Variants in ATP2C1 observed in about 807,000 individuals in gnomAD.
ATP2C1 encodes calcium-transporting ATPase type 2C member 1.
Under a neutral mutation model 120.5 loss-of-function variants are expected in ATP2C1, and 31 were observed. That is an observed-to-expected ratio of 0.26 (90% CI 0.19 to 0.35). The LOEUF (loss-of-function observed/expected upper bound fraction) is 0.35, where lower values mean the gene tolerates loss of function less well. Ranked by LOEUF, ATP2C1 falls within the 10% of genes least tolerant of loss-of-function variation. The pLI is 1.00. For synonymous variants in ATP2C1, 351 were observed against 358.7 expected, an observed-to-expected ratio of 0.98 and a Z score of 0.24; for missense variants, 731 against 1,107.5, an observed-to-expected ratio of 0.66 and a Z score of 4.83.
chr3:130,972,799 A>AT (rs970628310), intron 17 of ATP2C1, among the ~76,000 whole-genome samples: 4 of 151,278 alleles, frequency 2.6e-5, no homozygotes, highest in Non-Finnish European at 4.4e-5. Context: ...TGAACTCATC[A>AT]TTTTTTATGG....
At chr3:131,005,984 G>T (rs931352500), downstream of ATP2C1, among the ~76,000 whole-genome samples, 1 of 151,986 alleles carries the variant, frequency 6.6e-6, no homozygotes, top group Admixed American at 6.5e-5. Flanking sequence ...CTGTTTATGT[G>T]GCATACCACA....
At chr3:130,876,119 C>T (rs1055613057) in intron 1 of ATP2C1, among the ~76,000 whole-genome samples, 7 of 151,768 alleles carry the variant, frequency 4.6e-5, no homozygotes, top group African/African-American at 1.7e-4. Context: ...TGTGCAGAGG[C>T]TTTTAGTTTG....
At chr3:131,015,936 ATTCT>A (rs2063605990) in intron 26 of ATP2C1, 3 of 722,654 alleles carry the variant, frequency 4.2e-6, no homozygotes. Context: ...TCATGGAAAC[ATTCT>A]TTGAGAATAT....
intron 1 of ATP2C1, among the ~76,000 whole-genome samples, chr3:130,858,848 G>A (rs2067925851): frequency 6.6e-6 from 1 of 152,194 alleles, no homozygotes; most frequent in African/African-American, 2.4e-5. Flanking sequence ...AAGAATCATA[G>A]GGCTAATTCA....
intron 2 of ATP2C1, among the ~76,000 whole-genome samples, chr3:130,927,579 T>TG (rs2059271906): frequency 6.6e-6 from 1 of 152,082 alleles, no homozygotes; most frequent in Non-Finnish European, 1.5e-5. Flanking sequence ...GTATATTCCT[T>TG]GGGGAAAGAT....
chr3:130,985,236 T>TA (rs1341616453), intron 20 of ATP2C1, among the ~76,000 whole-genome samples: 2 of 152,184 alleles, frequency 1.3e-5, no homozygotes, highest in South Asian at 2.1e-4. Flanking sequence ...CTCTATAACT[T>TA]ACGCTTCCAG....
upstream of ATP2C1, among the ~76,000 whole-genome samples, chr3:130,889,751 T>A (rs563827567): frequency 1.4e-3 from 203 of 144,464 alleles, 1 homozygote; most frequent in South Asian, 0.011. Flanking sequence ...GCTTAAGCAA[T>A]CTTCCCACCC....
chr3:130,888,378 C>T (rs2069049868), intron 1 of ATP2C1, among the ~76,000 whole-genome samples: 1 of 152,182 alleles, frequency 6.6e-6, no homozygotes, highest in Admixed American at 6.5e-5. Context: ...TAAGCCCATC[C>T]CAGCCCAGCA....
At position 130,902,284 on chromosome 3, in the gene ATP2C1, G is replaced by GTTTTTTTTTTTTTTTTTTTTTTTT. The variant is rs1157956407; in HGVS notation, c.6+7521_6+7522insTTTTTTTTTTTTTTTTTTTTTTTT. Among the ~76,000 whole-genome samples the GTTTTTTTTTTTTTTTTTTTTTTTT allele has an allele frequency of 6.1e-5, 4 of 65,504 alleles. 1 individual carries two copies. The highest frequency in any genetic ancestry group is 1.7e-4 in the African/African-American group (3 of 17,720). The allele number at this position is 65,504 out of a possible 152,430, so 43.0% of individuals were successfully genotyped here. ...TTAACTGCTAATTTCAAGGCTTCACGTTTTTTTTTTTTGTTTTTTTTTTTT... is the reference window on the plus strand; with the variant it reads ...TTAACTGCTAATTTCAAGGCTTCACGTTTTTTTTTTTTTTTTTTTTTTTTTTTTTTTTTTTTGTTTTTTTTTTTT... On this transcript the variant is annotated intron_variant, in intron 2 of 27. Coordinates refer to ENST00000510168, the MANE Select transcript of ATP2C1 (RefSeq NM_001378687.1).
chr3:130,912,890 T>C (rs2058500422), intron 2 of ATP2C1, among the ~76,000 whole-genome samples: 1 of 152,064 alleles, frequency 6.6e-6, no homozygotes, highest in Non-Finnish European at 1.5e-5. Context: ...TAAGAAAATG[T>C]GGCACATATA....
chr3:130,916,901 A>G (rs959454371), intron 2 of ATP2C1, among the ~76,000 whole-genome samples: 8 of 152,146 alleles, frequency 5.3e-5, no homozygotes, highest in African/African-American at 1.7e-4. Context: ...TTGTAAATCA[A>G]TGTGTACTGA....
chr3:130,895,817 C>T (rs1021645122), intron 2 of ATP2C1, among the ~76,000 whole-genome samples: 1 of 152,118 alleles, frequency 6.6e-6, no homozygotes, highest in Non-Finnish European at 1.5e-5. Context: ...CTCTCTGAGA[C>T]CTCTGGGCTA....
At chr3:130,930,091 G>C (rs527306208) in intron 2 of ATP2C1, 239 of 372,788 alleles carry the variant, frequency 6.4e-4, no homozygotes, top group Non-Finnish European at 8.7e-4. Flanking sequence ...ATGATTATTT[G>C]TAATCATCAG....
Position 131,002,709 on chromosome 3 carries a change from C to G in ATP2C1, c.*1359C>G. 1.0e-6 allele frequency: 1 copy of G among 985,358 alleles called. No homozygotes were observed. Among genetic ancestry groups the G allele is most frequent in the Non-Finnish European group, 1.2e-6 (1 of 829,894 alleles). 61.0% of individuals were successfully genotyped at this position (985,358 alleles called of 1,614,324 possible). A position where few individuals can be genotyped will look rare whatever the true frequency, so the allele number is the denominator to read the frequency against. ...CCTTCTTGAAGCCAATAAGTTTTAT[C>G]TTTTATAATCTGTCAGGATGAACCA... On this transcript the variant is annotated 3_prime_UTR_variant, in exon 28 of 28. Transcript: ENST00000510168.
chr3:130,990,621 G>A lies in ATP2C1; in HGVS notation c.1840-2330G>A, dbSNP rs370753254. Among the ~76,000 whole-genome samples the A allele has an allele frequency of 5.3e-5, 8 of 152,294 alleles. No individual in the cohort carries two copies. In the East Asian group the frequency reaches 9.6e-4, roughly 18 times the overall value. Reference sequence around the variant, plus strand: ...ATTTGAGGGTTTTGAGAAGAGACACGCGATCTCACTTCTGTTTTAACAGTG... The same window carrying A: ...ATTTGAGGGTTTTGAGAAGAGACACACGATCTCACTTCTGTTTTAACAGTG... On this transcript the variant is annotated intron_variant, in intron 20 of 27. Transcript: ENST00000510168.
Position 130,956,106 on chromosome 3 carries a change from A to G in ATP2C1, c.759A>G (p.Ala253=), listed in dbSNP as rs777807794. Residue 253 remains alanine, a splice_region_variant and synonymous_variant, in exon 11 of 28, where the codon GCA becomes GCG. Transcript: ENST00000510168. ...EVFKMMQAEE[A]PKTPLQKSMD... ...ACACTCTTCTTCAATTTATCAAGGC[A>G]CCAAAAACCCCTCTGCAGAAGAGCA... 6.2e-7 allele frequency: 1 copy of G among 1,607,138 alleles called. No homozygotes were observed. Among genetic ancestry groups the G allele is most frequent in the Non-Finnish European group, 8.5e-7 (1 of 1,174,048 alleles).
At chr3:130,981,091 A>G (rs1002973644) in intron 20 of ATP2C1, among the ~76,000 whole-genome samples, 3 of 152,178 alleles carry the variant, frequency 2.0e-5, no homozygotes, top group Non-Finnish European at 2.9e-5. Flanking sequence ...ATTTTAGTGT[A>G]TAGTTCTGAA....
At chr3:130,892,903 T>C (rs1305211344), upstream of ATP2C1, among the ~76,000 whole-genome samples, 1 of 152,244 alleles carries the variant, frequency 6.6e-6, no homozygotes, top group Non-Finnish European at 1.5e-5. Flanking sequence ...TTAATTCTGA[T>C]GTTGAACGTG....
Position 130,940,983 on chromosome 3 carries a change from C to T in ATP2C1, c.422+292C>T, listed in dbSNP as rs536679119. On this transcript the variant is annotated intron_variant, in intron 7 of 27. Transcript: ENST00000510168. ...AGGCTGGAGTGCAGTGGCACAATCT[C>T]GGCTCACTGCAAGCTCCATCTGCCG... 1.0e-4 allele frequency among the ~76,000 whole-genome samples: 14 copies of T among 136,538 alleles called. No individual in the cohort carries two copies. In the East Asian group the frequency reaches 1.1e-3, roughly 11 times the overall value. The allele number at this position is 136,538 out of a possible 152,430, so 89.6% of individuals were successfully genotyped here.
Sources: gnomAD v4.1 joint callset for allele counts (sites outside exome capture counted in the v4.1 genomes callset) on GRCh38, gnomAD v4.1.1 for gene constraint, MANE v1.5 for transcripts, NCBI Gene and HGNC (gene_info 2026-07-23, HGNC 2026-07-21) for gene names.